Variants in TRAF2 observed in about 807,000 individuals in gnomAD.
TRAF2 encodes the protein TNF receptor associated factor 2.
Under a neutral mutation model 55.6 loss-of-function variants are expected in TRAF2, and 6 were observed. That is an observed-to-expected ratio of 0.11 (90% CI 0.06 to 0.21). The LOEUF (loss-of-function observed/expected upper bound fraction) is 0.21, where lower values mean the gene tolerates loss of function less well. Ranked by LOEUF, TRAF2 falls within the 10% of genes least tolerant of loss-of-function variation. TRAF2 has a pLI of 1.00. For synonymous variants in TRAF2, 329 were observed against 276.3 expected (o/e 1.19, Z -1.89); for missense variants, 561 against 684.5 (o/e 0.82, Z 2.01).
intron 7 of TRAF2, among the ~76,000 whole-genome samples, chr9:136,918,686 G>A (rs1850304755): frequency 6.6e-6 from 1 of 152,092 alleles, no homozygotes; most frequent in African/African-American, 2.4e-5. Flanking sequence ...CCAGCCCTGT[G>A]TTTTCACCTT....
At chr9:136,924,949 G>A (rs886860753) in intron 10 of TRAF2, among the ~76,000 whole-genome samples, 19 of 152,194 alleles carry the variant, frequency 1.2e-4, no homozygotes, top group Admixed American at 2.0e-4. Context: ...ATGTTGGCCA[G>A]GCTGGTCTTG....
chr9:136,900,466 G>A lies in TRAF2; in HGVS notation c.312G>A (p.Pro104=), dbSNP rs528325610. 1.3e-5 allele frequency: 21 copies of A among 1,612,526 alleles called. No homozygotes were observed. The highest frequency in any genetic ancestry group is 2.7e-5 in the African/African-American group (2 of 75,036). ...CCCGCAGGGAGGTGGAGAGCCTGCC[G>A]GCCGTCTGTCCCAGTGATGGATGCA... ...NAARREVESL[P]AVCPSDGCTW... The change falls in exon 4 of 11, where the codon CCG becomes CCA. Residue 104 remains proline, a synonymous_variant. Transcript: ENST00000247668.
At chr9:136,915,179 CAAA>C (rs1047176170) in intron 6 of TRAF2, among the ~76,000 whole-genome samples, 1 of 151,632 alleles carries the variant, frequency 6.6e-6, no homozygotes, top group Non-Finnish European at 1.5e-5. Flanking sequence ...AACTCCGTCT[CAAA>C]AAAAAGTTTT....
intron 2 of TRAF2, among the ~76,000 whole-genome samples, chr9:136,899,299 G>A (rs1849760127): frequency 6.6e-6 from 1 of 152,214 alleles, no homozygotes; most frequent in African/African-American, 2.4e-5. Flanking sequence ...GGTGTGGCCT[G>A]TGCACATCGG....
chr9:136,905,588 A>G (rs1394215936), intron 4 of TRAF2, among the ~76,000 whole-genome samples: 2 of 152,214 alleles, frequency 1.3e-5, no homozygotes, highest in African/African-American at 2.4e-5. Context: ...AATGGTTAAG[A>G]TGATACATTT....
chr9:136,887,188 C>T (rs1245077639), intron 1 of TRAF2, among the ~76,000 whole-genome samples: 1 of 152,012 alleles, frequency 6.6e-6, no homozygotes, highest in African/African-American at 2.4e-5. Flanking sequence ...CGGGGATGGG[C>T]TGCGGTGGAC....
At chr9:136,899,725 C>G in intron 3 of TRAF2, 53 bp downstream of exon 3, 10 of 1,554,110 alleles carry the variant, frequency 6.4e-6, no homozygotes, top group Non-Finnish European at 8.8e-6. Flanking sequence ...GTCTTAATTT[C>G]CTTTACAACA....
At chr9:136,912,275 C>T (rs536649057) in intron 6 of TRAF2, among the ~76,000 whole-genome samples, 71 of 150,750 alleles carry the variant, frequency 4.7e-4, no homozygotes, top group Admixed American at 1.4e-3. Context: ...CAGTTCTCTG[C>T]CTCAGCCTCC....
chr9:136,882,180 G>C (rs140985795), upstream of TRAF2: 4,306 of 470,220 alleles, frequency 9.2e-3, 41 homozygotes, highest in Admixed American at 0.011. Flanking sequence ...AGGACATGAG[G>C]TGTGAGCCTT....
chr9:136,919,875 C>G (rs1337716301), intron 7 of TRAF2, among the ~76,000 whole-genome samples: 1 of 152,058 alleles, frequency 6.6e-6, no homozygotes, highest in Non-Finnish European at 1.5e-5. Flanking sequence ...ACCACCATGC[C>G]CAGCTAATTT....
chr9:136,904,918 G>T (rs2131301630), intron 4 of TRAF2, among the ~76,000 whole-genome samples: 1 of 152,308 alleles, frequency 6.6e-6, no homozygotes, highest in South Asian at 2.1e-4. Context: ...GGTTCCTTTA[G>T]CAGGCTTAGC....
chr9:136,915,637 G>A (rs546337049), intron 6 of TRAF2, among the ~76,000 whole-genome samples: 22 of 152,024 alleles, frequency 1.4e-4, no homozygotes, highest in Non-Finnish European at 2.9e-4. Flanking sequence ...AGCATCCTTG[G>A]GTTTCAGGGA....
chr9:136,895,984 C>T (rs1246553929), intron 1 of TRAF2, among the ~76,000 whole-genome samples: 1 of 152,172 alleles, frequency 6.6e-6, no homozygotes, highest in Non-Finnish European at 1.5e-5. Flanking sequence ...CTGTCAGTCC[C>T]TGCCTCCCTG....
In TRAF2 at chr9:136,893,320, C is replaced by T. The variant is rs552891731; in HGVS notation, c.-28-5393C>T. Among the ~76,000 whole-genome samples, 89 of 152,198 alleles carry T rather than the reference C, an allele frequency of 5.8e-4. 2 individuals are homozygous for T. Among genetic ancestry groups the T allele is most frequent in the Non-Finnish European group, 1.5e-4 (10 of 68,042 alleles). ...GTTTTCTGAACTCTGAAGTGCCACA[C>T]GAATGTAAGGTCTCACTAAATTACA... On this transcript the variant is annotated intron_variant, in intron 1 of 10. Transcript: ENST00000247668.
At position 136,926,032 on chromosome 9, in the gene TRAF2, G is replaced by A. The variant is rs576950192; in HGVS notation, c.*131G>A. On this transcript the variant is annotated 3_prime_UTR_variant, in exon 11 of 11. Coordinates refer to ENST00000247668, the MANE Select transcript of TRAF2 (RefSeq NM_021138.4). ...GCGCTTGGGCGCTTGGGAGGGTGTCGGCCTGCAGCCAAGTTCACTGTCACG... is the reference window on the plus strand; with the variant it reads ...GCGCTTGGGCGCTTGGGAGGGTGTCAGCCTGCAGCCAAGTTCACTGTCACG... 6.2e-5 allele frequency: 70 copies of A among 1,120,642 alleles called. 1 individual carries two copies. The highest frequency in any genetic ancestry group is 4.1e-4 in the Admixed American group (23 of 56,378). 69.4% of individuals were successfully genotyped at this position (1,120,642 alleles called of 1,614,324 possible). A position where few individuals can be genotyped will look rare whatever the true frequency, so the allele number is the denominator to read the frequency against.
chr9:136,918,259 T>TATATATATATATATA (rs1564419549), intron 7 of TRAF2, among the ~76,000 whole-genome samples: 5 of 23,768 alleles, frequency 2.1e-4, no homozygotes, highest in African/African-American at 9.1e-4. Context: ...ATATATATAT[T>TATATATATATATATA]TATTTAATTA....
At chr9:136,887,196 G>T (rs1213542510) in intron 1 of TRAF2, among the ~76,000 whole-genome samples, 1 of 152,204 alleles carries the variant, frequency 6.6e-6, no homozygotes, top group Non-Finnish European at 1.5e-5. Context: ...GGCTGCGGTG[G>T]ACCGGGCCGG....
intron 9 of TRAF2, among the ~76,000 whole-genome samples, chr9:136,922,677 G>C (rs562648353): frequency 6.9e-6 from 1 of 145,754 alleles, no homozygotes; most frequent in South Asian, 2.2e-4. Flanking sequence ...GGGCCTGGGG[G>C]CGTGTGGAGG....
At chr9:136,918,318 G>A (rs949452124) in intron 7 of TRAF2, among the ~76,000 whole-genome samples, 23 of 149,902 alleles carry the variant, frequency 1.5e-4, no homozygotes, top group Non-Finnish European at 5.9e-5. Context: ...CGCCCAGGCT[G>A]GAGTGCAGTG....
Sources: gnomAD v4.1 joint callset for allele counts (sites outside exome capture counted in the v4.1 genomes callset) on GRCh38, gnomAD v4.1.1 for gene constraint, MANE v1.5 for transcripts, NCBI Gene and HGNC (gene_info 2026-07-23, HGNC 2026-07-21) for gene names.